Variants in ALDH16A1 observed in about 807,000 individuals in gnomAD.
ALDH16A1 encodes aldehyde dehydrogenase 16 family member A1.
In ALDH16A1, 88 loss-of-function variants were observed where a neutral mutation model predicts 96.1. The observed-to-expected ratio is 0.92, with a 90% CI of 0.77 to 1.09. ALDH16A1 has a LOEUF of 1.09. Among genes scored for constraint, ALDH16A1 ranks in the 50% least tolerant of loss-of-function variants. The pLI, the probability that ALDH16A1 is intolerant of heterozygous loss-of-function variation, is 0.00. For missense variants in ALDH16A1, 1,250 were observed against 1,112.6 expected (o/e 1.12, Z -1.76); for synonymous variants, 522 against 496.4 (o/e 1.05, Z -0.69).
rs543132236 is a variant in ALDH16A1, at chr19:49,462,209, C to T, written c.912+173C>T. Among the ~76,000 whole-genome samples, 129 of 133,642 alleles carry T rather than the reference C, an allele frequency of 9.7e-4. 1 individual carries two copies. The highest frequency in any genetic ancestry group is 1.7e-3 in the Non-Finnish European group (105 of 62,934). The allele number at this position is 133,642 out of a possible 152,430, so 87.7% of individuals were successfully genotyped here. A position where few individuals can be genotyped will look rare whatever the true frequency, so the allele number is the denominator to read the frequency against. ...GTGCAGCGGCGCGATTTTGGCTCAC[C>T]GCAACCTCTGCCTCCCAGGTTCAGC... On this transcript the variant is annotated intron_variant, in intron 7 of 16. Transcript: ENST00000293350.
At position 49,457,156 on chromosome 19, in the gene ALDH16A1, G is replaced by A. The variant is rs375902661; in HGVS notation, c.91-1330G>A. ...CCAGTAAGAGAAAAATCAGGAATATGTGACATCAGAGATGCTAGGGGAGTC... is the reference window on the plus strand; with the variant it reads ...CCAGTAAGAGAAAAATCAGGAATATATGACATCAGAGATGCTAGGGGAGTC... On this transcript the variant is annotated intron_variant, in intron 1 of 16. Coordinates refer to ENST00000293350, the MANE Select transcript of ALDH16A1 (RefSeq NM_153329.4). 8.6e-5 allele frequency among the ~76,000 whole-genome samples: 13 copies of A among 151,872 alleles called. No homozygotes were observed. In the East Asian group the frequency reaches 9.7e-4, roughly 11 times the overall value.
In ALDH16A1 at chr19:49,463,839, C is replaced by A. The variant is rs1166880613; in HGVS notation, c.1099-15C>A. ...AGGGACCAGAAGTCGACTTCTAGAT[C>A]ATTTCTCTCCCTAGGTGTTCCAGGC... On this transcript the variant is annotated splice_polypyrimidine_tract_variant and intron_variant, in intron 8 of 16. Transcript: ENST00000293350. 6 of 1,609,094 alleles carry A rather than the reference C, an allele frequency of 3.7e-6. No individual in the cohort carries two copies. In the Admixed American group the frequency reaches 6.7e-5, roughly 18 times the overall value.
At chr19:49,453,551 C>G (rs576826453) in intron 1 of ALDH16A1, 130 bp downstream of exon 1, 6 of 892,108 alleles carry the variant, frequency 6.7e-6, no homozygotes, top group Non-Finnish European at 3.4e-6. Context: ...GTGATTCCCG[C>G]CGCCCAATAG....
At chr19:49,457,922 C>A (rs960141089) in intron 1 of ALDH16A1, among the ~76,000 whole-genome samples, 62 of 152,108 alleles carry the variant, frequency 4.1e-4, no homozygotes, top group African/African-American at 1.4e-3. Context: ...CAGTTGAGAC[C>A]CTAATTGAAT....
At chr19:49,454,213 A>T (rs894024180) in intron 1 of ALDH16A1, among the ~76,000 whole-genome samples, 1 of 151,872 alleles carries the variant, frequency 6.6e-6, no homozygotes. Flanking sequence ...TCTAGAGACA[A>T]GGTTTCAGCA....
intron 14 of ALDH16A1, among the ~76,000 whole-genome samples, chr19:49,467,512 A>T (rs777327552): frequency 7.4e-5 from 11 of 148,330 alleles, no homozygotes; most frequent in Non-Finnish European, 1.6e-4. Flanking sequence ...CTCCTGCCCC[A>T]GCCTTCCGAG....
At chr19:49,454,737 C>T (rs1053900365) in intron 1 of ALDH16A1, among the ~76,000 whole-genome samples, 9 of 152,206 alleles carry the variant, frequency 5.9e-5, no homozygotes, top group Non-Finnish European at 1.0e-4. Context: ...CAGCCTAGAA[C>T]TTGGGGAGGC....
chr19:49,469,186 G>T (rs1471724321), intron 16 of ALDH16A1, 200 bp downstream of exon 16: 4 of 693,350 alleles, frequency 5.8e-6, no homozygotes, highest in Non-Finnish European at 8.9e-6. Context: ...CCTGAGAGCT[G>T]CCTAGCCCAA....
chr19:49,458,218 CA>C (rs34269663), intron 1 of ALDH16A1, among the ~76,000 whole-genome samples: 101,205 of 145,830 alleles, frequency 0.69, 35,107 homozygotes, highest in Middle Eastern at 0.83. Flanking sequence ...GACTCAGTCT[CA>C]AAAAAAAAAA....
In ALDH16A1 at chr19:49,468,324, C is replaced by T; in HGVS notation, c.1939-57C>T. The T allele has an allele frequency of 6.5e-7, 1 of 1,548,774 alleles. No homozygotes were observed. Among genetic ancestry groups the T allele is most frequent in the Non-Finnish European group, 8.7e-7 (1 of 1,146,860 alleles). Reference sequence around the variant, plus strand: ...GGGAGAATGTAGAGGAACTGGATCTCTCATTTACTGCGGGCGGGGCTCCCC... The same window carrying T: ...GGGAGAATGTAGAGGAACTGGATCTTTCATTTACTGCGGGCGGGGCTCCCC... On this transcript the variant is annotated intron_variant, in intron 14 of 16. Coordinates refer to ENST00000293350, the MANE Select transcript of ALDH16A1 (RefSeq NM_153329.4). This position sits in a 1 kb window ranked among gnomAD's most constrained non-coding sequence, Gnocchi z 4.4.
At chr19:49,460,399 G>C (rs535782242) in intron 4 of ALDH16A1, among the ~76,000 whole-genome samples, 2 of 150,098 alleles carry the variant, frequency 1.3e-5, no homozygotes, top group Non-Finnish European at 2.9e-5. Context: ...CACCACACCT[G>C]ACTAGTTTTT....
Position 49,466,254 on chromosome 19 carries a change from C to G in ALDH16A1, c.1909C>G (p.Arg637Gly). ...AAGACGACTTCGGGCGTGGGGGGCCCGGGTGCAGGCCCAAGGCCACACCCT... is the reference window on the plus strand; with the variant it reads ...AAGACGACTTCGGGCGTGGGGGGCCGGGGTGCAGGCCCAAGGCCACACCCT... ...SARRLRAWGA[R>G]VQAQGHTLQV... Residue 637 changes from arginine (R) to glycine (G), a missense_variant, in exon 14 of 17, where the codon CGG becomes GGG. Transcript: ENST00000293350. 6.8e-7 allele frequency: 1 copy of G among 1,475,786 alleles called. No homozygotes were observed. Among genetic ancestry groups the G allele is most frequent in the Non-Finnish European group, 9.0e-7 (1 of 1,112,984 alleles). The allele number at this position is 1,475,786 out of a possible 1,614,324, so 91.4% of individuals were successfully genotyped here.
Position 49,462,732 on chromosome 19 carries a change from G to C in ALDH16A1, c.1075G>C (p.Glu359Gln). 1 of 1,599,506 alleles carries C rather than the reference G, an allele frequency of 6.3e-7. No individual in the cohort carries two copies. Among genetic ancestry groups the C allele is most frequent in the South Asian group, 1.1e-5 (1 of 89,994 alleles). Residue 359 changes from glutamate (E) to glutamine (Q), a missense_variant, in exon 8 of 17, where the codon GAG becomes CAG. Glu to Gln is a conservative substitution (Grantham distance 29). Coordinates refer to ENST00000293350, the MANE Select transcript of ALDH16A1 (RefSeq NM_153329.4). ...ACDLVQRFVR[E>Q]AQSQGAQVFQ... The stretch of plus-strand genomic sequence containing the variant: ...TGACCTGGTCCAGCGCTTTGTGCGT[G>C]AGGCCCAGAGCCAGGGTGCACAGGT...
At position 49,459,719 on chromosome 19, in the gene ALDH16A1, T is replaced by A; in HGVS notation, c.370T>A (p.Ser124Thr). ...KHQRLLWTLE[S>T]LVTGRAVREV... ...CCAGCGGCTGCTGTGGACCCTGGAA[T>A]CCCTGGTGACTGGGCGGGCTGTTCG... Residue 124 changes from serine to threonine, a missense_variant, in exon 4 of 17, where the codon TCC becomes ACC. Coordinates refer to ENST00000293350, the MANE Select transcript of ALDH16A1 (RefSeq NM_153329.4). The surrounding 1 kb of genome is among the most constrained non-coding windows in gnomAD (Gnocchi z 4.1). The A allele has an allele frequency of 6.2e-7, 1 of 1,613,136 alleles. No homozygotes were observed. Among genetic ancestry groups the A allele is most frequent in the Non-Finnish European group, 8.5e-7 (1 of 1,179,694 alleles).
rs752869005 is a variant in ALDH16A1, at chr19:49,461,658, C to A, written c.617C>A (p.Ala206Glu). 1 of 1,604,512 alleles carries A rather than the reference C, an allele frequency of 6.2e-7. No homozygotes were observed. The highest frequency in any genetic ancestry group is 1.7e-5 in the Admixed American group (1 of 59,400). Residue 206 changes from alanine to glutamate, a missense_variant, in exon 6 of 17, where the codon GCG (alanine) becomes GAG (glutamate). By Grantham distance (107) the Ala-to-Glu change is moderately radical (BLOSUM62 -1). Coordinates refer to ENST00000293350, the MANE Select transcript of ALDH16A1 (RefSeq NM_153329.4). ...VVALVPPASP[A>E]PLLLAQLAGE... ...GCCCTCGTGCCCCCGGCCTCCCCGG[C>A]GCCCCTCCTCCTGGCCCAGCTGGCG...
At chr19:49,454,029 T>TG (rs1327104881) in intron 1 of ALDH16A1, among the ~76,000 whole-genome samples, 8 of 60,292 alleles carry the variant, frequency 1.3e-4, no homozygotes, top group Non-Finnish European at 2.2e-4. Flanking sequence ...GGTTTTTTTT[T>TG]TGTTTTTTTT....
In ALDH16A1 at chr19:49,462,554, C is replaced by G; in HGVS notation, c.913-16C>G. 1 of 1,610,148 alleles carries G rather than the reference C, an allele frequency of 6.2e-7. No individual in the cohort carries two copies. Among genetic ancestry groups the G allele is most frequent in the African/African-American group, 1.3e-5 (1 of 74,870 alleles). The stretch of plus-strand genomic sequence containing the variant: ...AGTGCAATGGTGTGATCTCCTGATG[C>G]CCCTTTTCCTCACAGGGTGGCCTCA... On this transcript the variant is annotated splice_polypyrimidine_tract_variant and intron_variant, in intron 7 of 16. Transcript: ENST00000293350.
At chr19:49,455,172 CTT>C (rs1294892559) in intron 1 of ALDH16A1, among the ~76,000 whole-genome samples, 3 of 149,744 alleles carry the variant, frequency 2.0e-5, no homozygotes, top group Non-Finnish European at 4.4e-5. Context: ...AATCCCAGCG[CTT>C]TGGGAGGCCG....
chr19:49,464,605 A>G (rs1192707741), intron 11 of ALDH16A1, 27 bp from the exon 12 acceptor site: 1 of 1,613,472 alleles, frequency 6.2e-7, no homozygotes, highest in East Asian at 2.2e-5. Context: ...TGCCCCTTGC[A>G]TCCTCTTGAC....
Sources: allele counts gnomAD v4.1 joint callset (sites outside exome capture counted in the v4.1 genomes callset), GRCh38; gene constraint gnomAD v4.1.1; non-coding constraint Gnocchi (gnomAD v3.1); transcripts MANE v1.5; gene names NCBI Gene and HGNC (gene_info 2026-07-23, HGNC 2026-07-21).